The following CAPN14 variants were observed in gnomAD, a reference collection of about 807,000 sequenced individuals.
CAPN14 encodes the protein calpain 14, also known as calpain-14.
CAPN14 carries 94 observed loss-of-function variants against 101.3 expected under a neutral mutation model. The observed-to-expected ratio is 0.93, with a 90% CI of 0.79 to 1.10. CAPN14 has a LOEUF of 1.10. CAPN14 is among the 50% of genes least tolerant of loss of function. CAPN14 has a pLI of 0.00. For missense variants in CAPN14, 837 were observed against 828.4 expected (o/e 1.01, Z -0.13); for synonymous variants, 338 against 317.9 (o/e 1.06, Z -0.67).
intron 1 of CAPN14, among the ~76,000 whole-genome samples, chr2:31,208,150 T>C (rs1682201127): frequency 6.6e-6 from 1 of 151,548 alleles, no homozygotes; most frequent in African/African-American, 2.4e-5. Flanking sequence ...AGGTCTTTTA[T>C]TTTTTTGACT....
rs1681511642 is a variant in CAPN14 at position 31,197,238 on chromosome 2, C to T, written c.875+11G>A. 1.6e-5 allele frequency: 25 copies of T among 1,545,898 alleles called. No homozygotes were observed. Among genetic ancestry groups the T allele is most frequent in the Non-Finnish European group, 2.1e-5 (24 of 1,141,654 alleles). On this transcript the variant is annotated intron_variant, in intron 8 of 21. Transcript: ENST00000403897. ...CTGTTCTCACCCCTCCAAGATGTCC[C>T]CAAAGTTCACCTGTCACTCCAGTCT... is the stretch of plus-strand genomic sequence containing the variant.
rs1298125031 is a variant in CAPN14, at chr2:31,173,237, T to C, written c.*1444A>G. 4 of 152,360 alleles carry C rather than the reference T, an allele frequency of 2.6e-5. No homozygotes were observed. In the East Asian group the frequency reaches 7.7e-4, roughly 29 times the overall value. 9.4% of individuals were successfully genotyped at this position (152,360 alleles called of 1,614,324 possible). A position where few individuals can be genotyped will look rare whatever the true frequency, so the allele number is the denominator to read the frequency against. On this transcript the variant is annotated 3_prime_UTR_variant, in exon 22 of 22. Coordinates refer to ENST00000403897, the MANE Select transcript of CAPN14 (RefSeq NM_001145122.2). ...GCACTTTATGGAAACCCATTTTACA[T>C]TTTATCATTTGGAATAAATGAAGGG...
intron 2 of CAPN14, among the ~76,000 whole-genome samples, 172 bp from the exon 3 acceptor site, chr2:31,203,311 T>C (rs1012743616): frequency 1.3e-5 from 2 of 152,234 alleles, no homozygotes; most frequent in African/African-American, 2.4e-5. Flanking sequence ...CTGTCCTTTG[T>C]ATTTCTCATT....
chr2:31,220,711 C>A (rs1328621698), upstream of CAPN14, among the ~76,000 whole-genome samples: 2 of 152,180 alleles, frequency 1.3e-5, no homozygotes, highest in Non-Finnish European at 2.9e-5. Context: ...CATCTGTAAT[C>A]CCAGCTACTC....
At chr2:31,203,175 G>A in intron 2 of CAPN14, 36 bp from the exon 3 acceptor site, 2 of 1,530,594 alleles carry the variant, frequency 1.3e-6, no homozygotes, top group Non-Finnish European at 1.8e-6. Context: ...TTCTGACCTA[G>A]AACAAAAAAG....
chr2:31,229,812 C>G (rs558893213), intron 1 of CAPN14, among the ~76,000 whole-genome samples: 130 of 152,216 alleles, frequency 8.5e-4, no homozygotes, highest in African/African-American at 3.0e-3. Context: ...CCATTCCTGA[C>G]TAGTGTTTTA....
intron 1 of CAPN14, among the ~76,000 whole-genome samples, chr2:31,208,190 G>A (rs1318818074): frequency 6.6e-6 from 1 of 151,880 alleles, no homozygotes; most frequent in African/African-American, 2.4e-5. Context: ...AAAAACTGGA[G>A]TTTTTTTCCC....
At chr2:31,233,285 C>T (rs1683253042) in intron 1 of CAPN14, among the ~76,000 whole-genome samples, 1 of 152,222 alleles carries the variant, frequency 6.6e-6, no homozygotes, top group Non-Finnish European at 1.5e-5. Flanking sequence ...TACACTCCAG[C>T]TATGCCAAAC....
chr2:31,199,580 T>C (rs1244928468), intron 6 of CAPN14, 48 bp from the exon 7 acceptor site: 3 of 1,478,654 alleles, frequency 2.0e-6, no homozygotes, highest in African/African-American at 1.4e-5. Flanking sequence ...ATGTACAGCT[T>C]ATTCTTTGAG....
At chr2:31,181,334 G>C (rs1680585149) in intron 16 of CAPN14, among the ~76,000 whole-genome samples, 1 of 151,674 alleles carries the variant, frequency 6.6e-6, no homozygotes, top group South Asian at 2.1e-4. Context: ...ACTTGTTCAA[G>C]CTCCCAACCA....
chr2:31,184,721 C>T (rs1217443517), intron 16 of CAPN14, among the ~76,000 whole-genome samples: 1 of 152,204 alleles, frequency 6.6e-6, no homozygotes, highest in Non-Finnish European at 1.5e-5. Flanking sequence ...GTACAATCAA[C>T]CACAGAAGCT....
Position 31,202,253 on chromosome 2 carries a change from C to T in CAPN14, c.296-1G>A. ...AAAGCAGCCAAGAACCAGCAGTCTC[C>T]TAAGTCAGACAGCACACAGCATCTG... On this transcript the variant is annotated splice_acceptor_variant, in intron 3 of 21. Coordinates refer to ENST00000403897, the MANE Select transcript of CAPN14 (RefSeq NM_001145122.2). LOFTEE classifies it high-confidence loss of function. 2 of 1,549,632 alleles carry T rather than the reference C, an allele frequency of 1.3e-6. No individual in the cohort carries two copies. Among genetic ancestry groups the T allele is most frequent in the South Asian group, 2.4e-5 (2 of 84,020 alleles).
intron 2 of CAPN14, among the ~76,000 whole-genome samples, chr2:31,223,275 G>A (rs1013113826): frequency 1.3e-5 from 2 of 152,196 alleles, no homozygotes; most frequent in African/African-American, 4.8e-5. Flanking sequence ...GTACTAAATT[G>A]ATTATCTTTG....
chr2:31,179,179 G>T (rs942350015), intron 17 of CAPN14, among the ~76,000 whole-genome samples: 2 of 150,204 alleles, frequency 1.3e-5, no homozygotes, highest in Non-Finnish European at 3.0e-5. Flanking sequence ...CCATTAACTC[G>T]TCATTTACAT....
At chr2:31,176,007 C>T (rs1393683512) in intron 21 of CAPN14, among the ~76,000 whole-genome samples, 1 of 152,186 alleles carries the variant, frequency 6.6e-6, no homozygotes, top group African/African-American at 2.4e-5. Flanking sequence ...TTCAACACAT[C>T]CTGCTGTGTC....
intron 16 of CAPN14, among the ~76,000 whole-genome samples, chr2:31,183,320 G>A (rs1680742778): frequency 6.6e-6 from 1 of 152,152 alleles, no homozygotes; most frequent in South Asian, 2.1e-4. Context: ...GGCAACAAAA[G>A]CCAAAATTGA....
chr2:31,204,675 C>A (rs1347448726), intron 2 of CAPN14, among the ~76,000 whole-genome samples: 1 of 152,118 alleles, frequency 6.6e-6, no homozygotes, highest in Non-Finnish European at 1.5e-5. Flanking sequence ...GTGCCACAAC[C>A]AGGGAGGGCA....
intron 1 of CAPN14, among the ~76,000 whole-genome samples, chr2:31,205,996 C>G: frequency 6.6e-6 from 1 of 151,526 alleles, no homozygotes; most frequent in African/African-American, 2.4e-5. Flanking sequence ...TTCTTCCCTG[C>G]AAAACCTCCT....
chr2:31,230,617 T>C lies in CAPN14; in HGVS notation c.-177+3174A>G, dbSNP rs1683160998. ...TACTAATGAGATGCAACATGTTTTC[T>C]TGCGTTTATAGGGCATTCATGTAGC... On this transcript the variant is annotated intron_variant and NMD_transcript_variant, in intron 1 of 21. Transcript: ENST00000398824. The surrounding 1 kb of genome is among the most constrained non-coding windows in gnomAD (Gnocchi z 4.3). Among the ~76,000 whole-genome samples the C allele has an allele frequency of 6.6e-6, 1 of 152,254 alleles. No individual in the cohort carries two copies. The highest frequency in any genetic ancestry group is 1.5e-5 in the Non-Finnish European group (1 of 68,048).
Sources: allele counts gnomAD v4.1 joint callset (sites outside exome capture counted in the v4.1 genomes callset), GRCh38; gene constraint gnomAD v4.1.1; non-coding constraint Gnocchi (gnomAD v3.1); transcripts MANE v1.5; gene names NCBI Gene and HGNC (gene_info 2026-07-23, HGNC 2026-07-21).